Variants in NBAS observed in about 807,000 individuals in gnomAD.
NBAS encodes NAG/BC035112 fusion.
Under a neutral mutation model 302.5 loss-of-function variants are expected in NBAS, and 219 were observed. The observed-to-expected ratio is 0.72, with a 90% CI of 0.65 to 0.81. The LOEUF (loss-of-function observed/expected upper bound fraction) is 0.81, where lower values mean the gene tolerates loss of function less well. Among genes scored for constraint, NBAS ranks in the 30% least tolerant of loss-of-function variants. NBAS has a pLI of 0.00. For missense variants in NBAS, 2,932 were observed against 2,841.6 expected, an observed-to-expected ratio of 1.03 and a Z score of -0.72; for synonymous variants, 1,118 against 1,021.6, an observed-to-expected ratio of 1.09 and a Z score of -1.80.
At chr2:14,964,018 A>G in the NBAS span, among the ~76,000 whole-genome samples, 8 of 152,140 alleles carry the variant, frequency 5.3e-5, no homozygotes, top group Non-Finnish European at 1.2e-4. Flanking sequence ...AGCAAGACCT[A>G]AAAAAAATCA....
chr2:14,983,879 G>A, the NBAS span, among the ~76,000 whole-genome samples: 2 of 152,162 alleles, frequency 1.3e-5, no homozygotes, highest in Admixed American at 1.3e-4. Flanking sequence ...TTTAGGATGA[G>A]TTTCCAGTGC....
At chr2:14,810,992 A>C in the NBAS span, among the ~76,000 whole-genome samples, 5 of 152,262 alleles carry the variant, frequency 3.3e-5, no homozygotes, top group Admixed American at 2.6e-4. Context: ...TGAGGTAAGA[A>C]CATCCAAAAC....
At chr2:15,458,589 G>A (rs1679354572) in intron 21 of NBAS, among the ~76,000 whole-genome samples, 1 of 152,108 alleles carries the variant, frequency 6.6e-6, no homozygotes, top group Admixed American at 6.5e-5. Flanking sequence ...GAAACTTCCT[G>A]AGGCTCTCAC....
At chr2:15,191,808 C>A (rs1385820817) in intron 48 of NBAS, among the ~76,000 whole-genome samples, 1 of 152,132 alleles carries the variant, frequency 6.6e-6, no homozygotes, top group Non-Finnish European at 1.5e-5. Context: ...ACTTAAAAAA[C>A]CAAAAACAAA....
chr2:15,457,998 C>CT (rs1381798648), intron 21 of NBAS, among the ~76,000 whole-genome samples: 1 of 152,150 alleles, frequency 6.6e-6, no homozygotes, highest in Non-Finnish European at 1.5e-5. Context: ...TTCATAATCT[C>CT]TTTTTTAAAT....
intron 23 of NBAS, among the ~76,000 whole-genome samples, chr2:15,419,395 G>C (rs1677102686): frequency 6.6e-6 from 1 of 151,500 alleles, no homozygotes; most frequent in South Asian, 2.1e-4. Context: ...AAAATTGTGT[G>C]TGTGTATGAG....
chr2:15,394,487 C>A, intron 27 of NBAS, 138 bp from the exon 28 acceptor site: 1 of 823,440 alleles, frequency 1.2e-6, no homozygotes, highest in Non-Finnish European at 1.9e-6. Context: ...TTACATATAA[C>A]GTTGATTCTC....
At chr2:15,427,483 T>G (rs760653326) in intron 22 of NBAS, among the ~76,000 whole-genome samples, 1 of 152,170 alleles carries the variant, frequency 6.6e-6, no homozygotes, top group Non-Finnish European at 1.5e-5. Flanking sequence ...ATGAAAACAG[T>G]TGTTGTAATA....
Position 15,167,337 on chromosome 2 carries a change from G to T in NBAS, c.6841-14C>A. 2 of 1,614,100 alleles carry T rather than the reference G, an allele frequency of 1.2e-6. No homozygotes were observed. The highest frequency in any genetic ancestry group is 2.2e-5 in the South Asian group (2 of 91,018). ...GGAATCATTCACCTTCAAGAAATAA[G>T]ACAGGCACAGCGTGAGGGGGTGTTT... On this transcript the variant is annotated splice_polypyrimidine_tract_variant and intron_variant, in intron 51 of 51. Coordinates refer to ENST00000281513, the MANE Select transcript of NBAS (RefSeq NM_015909.4).
the NBAS span, among the ~76,000 whole-genome samples, chr2:15,036,611 C>T: frequency 6.6e-6 from 1 of 152,088 alleles, no homozygotes; most frequent in Non-Finnish European, 1.5e-5. Context: ...AATGCTGTAC[C>T]CTCGTTCCAG....
At chr2:15,437,064 A>G (rs1481027255) in intron 21 of NBAS, among the ~76,000 whole-genome samples, 1 of 152,194 alleles carries the variant, frequency 6.6e-6, no homozygotes, top group East Asian at 1.9e-4. Context: ...TCAAATGTTC[A>G]TAATTCTAAA....
chr2:15,219,666 C>T (rs1666838431), intron 47 of NBAS, among the ~76,000 whole-genome samples: 1 of 138,518 alleles, frequency 7.2e-6, no homozygotes, highest in Non-Finnish European at 1.5e-5. Context: ...AACAGGATCC[C>T]AAGGCAGAAG....
intron 9 of NBAS, among the ~76,000 whole-genome samples, chr2:15,518,809 C>A (rs978256342): frequency 1.3e-5 from 2 of 152,062 alleles, no homozygotes; most frequent in Non-Finnish European, 2.9e-5. Context: ...AGGAGCAAGG[C>A]ACATCTTATG....
At chr2:15,340,347 G>A (rs1476284918) in intron 35 of NBAS, among the ~76,000 whole-genome samples, 1 of 152,136 alleles carries the variant, frequency 6.6e-6, no homozygotes, top group Non-Finnish European at 1.5e-5. Context: ...GAAGAATCAA[G>A]GATGACAGCA....
intron 41 of NBAS, among the ~76,000 whole-genome samples, chr2:15,290,214 C>T (rs549812303): frequency 2.2e-4 from 34 of 152,110 alleles, no homozygotes; most frequent in African/African-American, 7.2e-4. Flanking sequence ...ATGCTGCAAA[C>T]GGAAGGACAC....
chr2:15,139,795 C>T, the NBAS span, among the ~76,000 whole-genome samples: 1 of 152,096 alleles, frequency 6.6e-6, no homozygotes, highest in Non-Finnish European at 1.5e-5. Flanking sequence ...TCCCAGAAAA[C>T]CTTTCCTAAA....
the NBAS span, among the ~76,000 whole-genome samples, chr2:15,042,610 C>T: frequency 6.6e-6 from 1 of 152,142 alleles, no homozygotes; most frequent in Non-Finnish European, 1.5e-5. Flanking sequence ...TAGCATATTC[C>T]CTGTGTGTTC....
At chr2:15,066,056 A>G in the NBAS span, among the ~76,000 whole-genome samples, 4 of 151,966 alleles carry the variant, frequency 2.6e-5, no homozygotes, top group Admixed American at 2.6e-4. Context: ...GGAACAGAAT[A>G]AATAGCCCAG....
At chr2:14,818,299 T>G in the NBAS span, among the ~76,000 whole-genome samples, 2 of 152,190 alleles carry the variant, frequency 1.3e-5, no homozygotes, top group African/African-American at 4.8e-5. Flanking sequence ...CTTGTACATG[T>G]GAAGGGGTGT....
Sources: allele counts gnomAD v4.1 joint callset (sites outside exome capture counted in the v4.1 genomes callset), GRCh38; gene constraint gnomAD v4.1.1; transcripts MANE v1.5; gene names NCBI Gene and HGNC (gene_info 2026-07-23, HGNC 2026-07-21).